The following PRR16 variants were observed in gnomAD, a reference collection of about 807,000 sequenced individuals.
PRR16 encodes the protein protein Largen.
In PRR16, 6 loss-of-function variants were observed where a neutral mutation model predicts 18.2. The observed-to-expected ratio is 0.33, with a 90% CI of 0.18 to 0.65. The LOEUF (loss-of-function observed/expected upper bound fraction) is 0.65, where lower values mean the gene tolerates loss of function less well. Ranked by LOEUF, PRR16 falls within the 30% of genes least tolerant of loss-of-function variation. PRR16 has a pLI of 0.74. For missense variants in PRR16, 412 were observed against 376.6 expected (o/e 1.09, Z -0.78); for synonymous variants, 151 against 147.8 (o/e 1.02, Z -0.16).
intron 1 of PRR16, among the ~76,000 whole-genome samples, chr5:120,506,403 T>C (rs1375790566): frequency 6.6e-6 from 1 of 152,176 alleles, no homozygotes; most frequent in African/African-American, 2.4e-5. Flanking sequence ...GTTAGAGATA[T>C]GGCCTGATGT....
At chr5:120,475,519 C>G (rs986178390) in intron 1 of PRR16, among the ~76,000 whole-genome samples, 1 of 151,970 alleles carries the variant, frequency 6.6e-6, no homozygotes, top group African/African-American at 2.4e-5. Flanking sequence ...AGGAGGATTG[C>G]TTGAGGCCAG....
chr5:120,670,231 A>G (rs1275347268), intron 1 of PRR16, among the ~76,000 whole-genome samples: 1 of 152,130 alleles, frequency 6.6e-6, no homozygotes, highest in Non-Finnish European at 1.5e-5. Context: ...ATGTGTATTT[A>G]TAGTATCTCC....
chr5:120,521,200 G>C (rs1335204311), intron 1 of PRR16, among the ~76,000 whole-genome samples: 2 of 152,040 alleles, frequency 1.3e-5, no homozygotes, highest in Admixed American at 6.5e-5. Flanking sequence ...GGATGAGCCA[G>C]TTGCCTTTGG....
intron 1 of PRR16, among the ~76,000 whole-genome samples, chr5:120,528,904 A>G (rs1009307029): frequency 6.6e-6 from 1 of 152,204 alleles, no homozygotes; most frequent in Non-Finnish European, 1.5e-5. Flanking sequence ...AAGCTAGCTA[A>G]AACTATGAGC....
intron 1 of PRR16, among the ~76,000 whole-genome samples, chr5:120,629,626 C>T (rs772497424): frequency 2.6e-5 from 4 of 152,128 alleles, no homozygotes; most frequent in Non-Finnish European, 4.4e-5. Flanking sequence ...AATTTACTGA[C>T]ATGCTTTCCA....
chr5:120,600,105 G>T (rs990214376), intron 1 of PRR16, among the ~76,000 whole-genome samples: 1 of 151,678 alleles, frequency 6.6e-6, no homozygotes, highest in African/African-American at 2.4e-5. Context: ...TTTCTGTTAT[G>T]ATTCCATTTC....
chr5:120,621,438 G>A (rs143608715), intron 1 of PRR16, among the ~76,000 whole-genome samples: 22 of 151,888 alleles, frequency 1.4e-4, no homozygotes, highest in Non-Finnish European at 2.2e-4. Flanking sequence ...AGCTAATCTC[G>A]TCTCAGTCTC....
At chr5:120,643,744 C>T (rs943677403) in intron 1 of PRR16, among the ~76,000 whole-genome samples, 1 of 152,066 alleles carries the variant, frequency 6.6e-6, no homozygotes, top group Non-Finnish European at 1.5e-5. Flanking sequence ...GTGGCTCACA[C>T]CTGCAATTAC....
chr5:120,490,003 G>A (rs1488831037), intron 1 of PRR16, among the ~76,000 whole-genome samples: 2 of 152,150 alleles, frequency 1.3e-5, no homozygotes, highest in Non-Finnish European at 2.9e-5. Flanking sequence ...GGCTTGTAGA[G>A]TTTCTGCCGA....
intron 1 of PRR16, among the ~76,000 whole-genome samples, chr5:120,670,498 G>A (rs1378590446): frequency 6.6e-6 from 1 of 152,126 alleles, no homozygotes; most frequent in African/African-American, 2.4e-5. Context: ...CCATGACAGT[G>A]AGAGCAAATG....
At chr5:120,556,594 C>A (rs976217400) in intron 1 of PRR16, among the ~76,000 whole-genome samples, 4 of 151,962 alleles carry the variant, frequency 2.6e-5, no homozygotes, top group Non-Finnish European at 5.9e-5. Context: ...AAGGCTCTTT[C>A]ATTTTCTCAA....
downstream of PRR16, among the ~76,000 whole-genome samples, chr5:120,689,671 A>G (rs566385376): frequency 2.9e-3 from 435 of 152,264 alleles, 2 homozygotes; most frequent in African/African-American, 9.8e-3. Context: ...TAAATAAAAT[A>G]ATGTGATAAT....
In PRR16 at chr5:120,686,930, A is replaced by T. The variant is rs1356367029; in HGVS notation, c.*221A>T. On this transcript the variant is annotated 3_prime_UTR_variant, in exon 2 of 2. Transcript: ENST00000407149. Reference sequence around the variant, plus strand: ...ATTAAAAACCTCAGAATGATGAAAAATATGAATGATGCATTGTTTTTGCAA... The same window carrying T: ...ATTAAAAACCTCAGAATGATGAAAATTATGAATGATGCATTGTTTTTGCAA... The T allele has an allele frequency of 8.3e-6, 3 of 362,502 alleles. No homozygotes were observed. The highest frequency in any genetic ancestry group is 2.1e-5 in the African/African-American group (1 of 47,816). The allele number at this position is 362,502 out of a possible 1,614,324, so 22.5% of individuals were successfully genotyped here. A position where few individuals can be genotyped will look rare whatever the true frequency, so the allele number is the denominator to read the frequency against.
At chr5:120,668,994 G>A (rs1045738604) in intron 1 of PRR16, among the ~76,000 whole-genome samples, 1 of 152,176 alleles carries the variant, frequency 6.6e-6, no homozygotes, top group Non-Finnish European at 1.5e-5. Flanking sequence ...ATAGCTTATT[G>A]TTTAGGAAAG....
At chr5:120,649,556 C>G (rs901300833) in intron 1 of PRR16, among the ~76,000 whole-genome samples, 20 of 152,158 alleles carry the variant, frequency 1.3e-4, no homozygotes, top group African/African-American at 4.8e-4. Flanking sequence ...ATAAAGTAAA[C>G]AGATGTAGCT....
the PRR16 span, among the ~76,000 whole-genome samples, chr5:120,703,186 C>T: frequency 3.3e-5 from 5 of 152,010 alleles, no homozygotes; most frequent in South Asian, 6.2e-4. Flanking sequence ...AGTGGGGGTG[C>T]CTTTTGAGCC....
chr5:120,522,222 T>C (rs1751206975), intron 1 of PRR16, among the ~76,000 whole-genome samples: 1 of 152,200 alleles, frequency 6.6e-6, no homozygotes. Context: ...GTATTTCTAG[T>C]TCTAGATCCT....
the PRR16 span, among the ~76,000 whole-genome samples, chr5:120,705,940 A>G: frequency 6.6e-6 from 1 of 152,194 alleles, no homozygotes; most frequent in Non-Finnish European, 1.5e-5. Flanking sequence ...TGCTTATGGC[A>G]TAACAGAAAC....
intron 1 of PRR16, among the ~76,000 whole-genome samples, chr5:120,516,403 G>A (rs948771781): frequency 5.9e-5 from 8 of 135,082 alleles, no homozygotes; most frequent in Non-Finnish European, 1.1e-4. Context: ...CAGCCTGGGT[G>A]ACAGGGTGAG....
Sources: gnomAD v4.1 joint callset for allele counts (sites outside exome capture counted in the v4.1 genomes callset) on GRCh38, gnomAD v4.1.1 for gene constraint, MANE v1.5 for transcripts, NCBI Gene and HGNC (gene_info 2026-07-23, HGNC 2026-07-21) for gene names.